Variants in SUV39H2 observed in about 807,000 individuals in gnomAD.
The protein encoded by SUV39H2 is SUV39H2 histone lysine methyltransferase.
Under a neutral mutation model 47.5 loss-of-function variants are expected in SUV39H2, and 10 were observed. The observed-to-expected ratio is 0.21, with a 90% CI of 0.13 to 0.36. The LOEUF (loss-of-function observed/expected upper bound fraction) is 0.36, where lower values mean the gene tolerates loss of function less well. Among genes scored for constraint, SUV39H2 ranks in the 10% least tolerant of loss-of-function variants. The probability of loss-of-function intolerance (pLI) is 1.00; values close to 1 mark genes in which losing one functional copy is unlikely to be tolerated. For missense variants in SUV39H2, 266 were observed against 487.4 expected, an observed-to-expected ratio of 0.55 and a Z score of 4.28; for synonymous variants, 159 against 166.8, an observed-to-expected ratio of 0.95 and a Z score of 0.36.
intron 1 of SUV39H2, among the ~76,000 whole-genome samples, chr10:14,879,470 T>C (rs1405415752): frequency 6.6e-6 from 1 of 151,956 alleles, no homozygotes; most frequent in Non-Finnish European, 1.5e-5. Flanking sequence ...CGCTAGGAGG[T>C]TGAGTGCCTC....
At chr10:14,888,701 G>T (rs1490524476) in intron 2 of SUV39H2, among the ~76,000 whole-genome samples, 3 of 152,088 alleles carry the variant, frequency 2.0e-5, no homozygotes, top group African/African-American at 7.2e-5. Context: ...ATGTCAGCAG[G>T]AGAGTATTAA....
chr10:14,891,708 G>A (rs942113765), intron 2 of SUV39H2, among the ~76,000 whole-genome samples: 1 of 152,150 alleles, frequency 6.6e-6, no homozygotes, highest in African/African-American at 2.4e-5. Context: ...TGAGTAGGTG[G>A]ACAGGTAAGA....
chr10:14,879,064 C>T, intron 1 of SUV39H2, 145 bp downstream of exon 1: 1 of 1,308,276 alleles, frequency 7.6e-7, no homozygotes, highest in Non-Finnish European at 9.7e-7. Context: ...ACGCACGCTG[C>T]GGACGCCTAT....
chr10:14,889,931 A>G (rs536368123), intron 2 of SUV39H2, among the ~76,000 whole-genome samples: 20 of 152,374 alleles, frequency 1.3e-4, no homozygotes, highest in Non-Finnish European at 2.9e-4. Context: ...TGGGTATTTA[A>G]GATAGTTCAG....
At chr10:14,887,174 A>G (rs17156020) in intron 2 of SUV39H2, among the ~76,000 whole-genome samples, 2,982 of 152,322 alleles carry the variant, frequency 0.02, 35 homozygotes, top group Admixed American at 0.042. Flanking sequence ...TAACCAGACC[A>G]GAAACAATGG....
At chr10:14,899,509 C>A (rs373066474) in intron 3 of SUV39H2, 30 bp from the exon 4 acceptor site, 6 of 1,609,710 alleles carry the variant, frequency 3.7e-6, no homozygotes, top group Non-Finnish European at 4.2e-6. Flanking sequence ...TCAGTAGCTA[C>A]GTAATATACT....
chr10:14,878,910 G>A lies in SUV39H2; in HGVS notation c.22G>A (p.Ala8Thr), dbSNP rs1832952218. 6.8e-7 allele frequency: 1 copy of A among 1,480,362 alleles called. No homozygotes were observed. The highest frequency in any genetic ancestry group is 9.0e-7 in the Non-Finnish European group (1 of 1,113,448). 91.7% of individuals were successfully genotyped at this position (1,480,362 alleles called of 1,614,324 possible). Residue 8 changes from alanine (A) to threonine (T), a missense_variant, in exon 1 of 6, where the codon GCG (alanine) becomes ACG (threonine). Transcript: ENST00000354919. Reference sequence around the variant, plus strand: ...CAAGATGGCGGCGGTCGGGGCCGAGGCGCGAGGAGGTGAGGCTGGAGCGCG... The same window carrying A: ...CAAGATGGCGGCGGTCGGGGCCGAGACGCGAGGAGGTGAGGCTGGAGCGCG... MAAVGAE[A>T]RGAWCVPCLV...
intron 4 of SUV39H2, among the ~76,000 whole-genome samples, chr10:14,900,561 A>C (rs1833934503): frequency 1.3e-5 from 2 of 152,214 alleles, no homozygotes; most frequent in African/African-American, 4.8e-5. Context: ...GAGATATTCT[A>C]TCCAGGGCCA....
chr10:14,889,127 G>T (rs1328545371), intron 2 of SUV39H2, among the ~76,000 whole-genome samples: 1 of 151,962 alleles, frequency 6.6e-6, no homozygotes, highest in Non-Finnish European at 1.5e-5. Flanking sequence ...AAATTAACCG[G>T]AGGTAAGAAA....
chr10:14,896,010 C>T (rs1370561144), intron 2 of SUV39H2, among the ~76,000 whole-genome samples: 1 of 150,768 alleles, frequency 6.6e-6, no homozygotes, highest in East Asian at 2.0e-4. Context: ...GTGGTGCAAT[C>T]TTGGCTCACT....
chr10:14,888,442 T>A (rs1263751004), intron 2 of SUV39H2, among the ~76,000 whole-genome samples: 1 of 151,652 alleles, frequency 6.6e-6, no homozygotes, highest in Admixed American at 6.6e-5. Flanking sequence ...GAGACCATCC[T>A]GGCCAACATG....
chr10:14,890,187 C>A (rs1412254929), intron 2 of SUV39H2, among the ~76,000 whole-genome samples: 1 of 152,218 alleles, frequency 6.6e-6, no homozygotes, highest in East Asian at 1.9e-4. Context: ...TATACTACAA[C>A]CTGTATTTGA....
intron 1 of SUV39H2, among the ~76,000 whole-genome samples, chr10:14,879,637 G>A (rs917966278): frequency 6.6e-6 from 1 of 152,118 alleles, no homozygotes; most frequent in Non-Finnish European, 1.5e-5. Flanking sequence ...GGGCGTCGGG[G>A]GGTGTTGGTG....
chr10:14,899,803 A>ATTTTTATTTTGGAAATGT, intron 4 of SUV39H2, 118 bp downstream of exon 4: 1 of 1,252,144 alleles, frequency 8.0e-7, no homozygotes, highest in Non-Finnish European at 1.1e-6. Flanking sequence ...CAAAATATGT[A>ATTTTTATTTTGGAAATGT]TTTTATAAGG....
chr10:14,899,940 C>T lies in SUV39H2; in HGVS notation c.996+255C>T, dbSNP rs113382182. Reference sequence around the variant, plus strand: ...ACATATGTTACTTCATTTAAACTTTCTAGTAACTTTGTACGGTAGGTATTA... The same window carrying T: ...ACATATGTTACTTCATTTAAACTTTTTAGTAACTTTGTACGGTAGGTATTA... On this transcript the variant is annotated intron_variant, in intron 4 of 5. Coordinates refer to ENST00000354919, the MANE Select transcript of SUV39H2 (RefSeq NM_001193424.2). Among the ~76,000 whole-genome samples, 1,099 of 152,214 alleles carry T rather than the reference C, an allele frequency of 7.2e-3. 17 individuals carry two copies. The highest frequency in any genetic ancestry group is 0.025 in the African/African-American group (1,029 of 41,516).
At chr10:14,881,698 C>T (rs988185700) in intron 2 of SUV39H2, 53 bp downstream of exon 2, 16 of 1,305,484 alleles carry the variant, frequency 1.2e-5, no homozygotes, top group Admixed American at 3.0e-5. Flanking sequence ...TTCAGTATTT[C>T]GTATTTCTGT....
chr10:14,889,294 C>T (rs1449529833), intron 2 of SUV39H2, among the ~76,000 whole-genome samples: 4 of 151,776 alleles, frequency 2.6e-5, no homozygotes, highest in Non-Finnish European at 5.9e-5. Context: ...AGGTATTATG[C>T]ATGTAGTTTT....
chr10:14,881,843 A>G (rs1239272048), intron 2 of SUV39H2, among the ~76,000 whole-genome samples, 198 bp downstream of exon 2: 1 of 152,260 alleles, frequency 6.6e-6, no homozygotes, highest in Non-Finnish European at 1.5e-5. Context: ...TTCTTGCATT[A>G]GAATATTTTC....
At chr10:14,897,630 C>T in intron 3 of SUV39H2, 113 bp downstream of exon 3, 1 of 940,702 alleles carries the variant, frequency 1.1e-6, no homozygotes, top group Non-Finnish European at 1.4e-6. Context: ...TTTTCATTTG[C>T]AGATATGTAG....
Sources: allele counts gnomAD v4.1 joint callset (sites outside exome capture counted in the v4.1 genomes callset), GRCh38; gene constraint gnomAD v4.1.1; transcripts MANE v1.5; gene names NCBI Gene and HGNC (gene_info 2026-07-23, HGNC 2026-07-21).